Variants in CACNB2 observed in about 807,000 individuals in gnomAD.
CACNB2 encodes the protein calcium voltage-gated channel auxiliary subunit beta 2, also known as voltage-dependent L-type calcium channel subunit beta-2.
Under a neutral mutation model 73.3 loss-of-function variants are expected in CACNB2, and 42 were observed. The observed-to-expected ratio is 0.57, with a 90% confidence interval of 0.45 to 0.74. CACNB2 has a LOEUF of 0.74. Among genes scored for constraint, CACNB2 ranks in the 30% least tolerant of loss-of-function variants. The pLI is 0.00. For missense variants in CACNB2, 940 were observed against 853.0 expected (o/e 1.10, Z -1.27); for synonymous variants, 348 against 310.3 (o/e 1.12, Z -1.28).
chr10:18,180,568 G>T (rs1224124869), intron 2 of CACNB2, among the ~76,000 whole-genome samples: 3 of 151,830 alleles, frequency 2.0e-5, no homozygotes, highest in East Asian at 1.9e-4. Flanking sequence ...TGGGAAAATT[G>T]TATCCCTCCC....
chr10:18,517,593 G>C (rs918806043), intron 7 of CACNB2, among the ~76,000 whole-genome samples: 1 of 152,106 alleles, frequency 6.6e-6, no homozygotes, highest in Non-Finnish European at 1.5e-5. Flanking sequence ...ACAATAGCAT[G>C]GTTGAATATA....
intron 2 of CACNB2, among the ~76,000 whole-genome samples, chr10:18,390,023 A>G (rs1041048806): frequency 2.0e-5 from 3 of 152,208 alleles, no homozygotes; most frequent in Non-Finnish European, 4.4e-5. Context: ...TAAGGACTGA[A>G]GCCATATCCC....
intron 2 of CACNB2, among the ~76,000 whole-genome samples, chr10:18,367,470 A>G (rs1319830875): frequency 6.6e-6 from 1 of 152,198 alleles, no homozygotes; most frequent in Non-Finnish European, 1.5e-5. Context: ...TCTGTTAAAT[A>G]TAGTTAAAAG....
At position 18,492,278 on chromosome 10, in the gene CACNB2, G is replaced by C. The variant is rs561874751; in HGVS notation, c.334-6077G>C. 2.7e-4 allele frequency among the ~76,000 whole-genome samples: 41 copies of C among 152,284 alleles called. 1 individual carries two copies. Among genetic ancestry groups the C allele is most frequent in the Admixed American group, 2.5e-3 (39 of 15,300 alleles). On this transcript the variant is annotated intron_variant, in intron 3 of 13. Transcript: ENST00000324631. Reference sequence around the variant, plus strand: ...ACAATTCGACATGAGTCTGGCCAGGGACACAAACTCAAACCATATCAAGAT... The same window carrying C: ...ACAATTCGACATGAGTCTGGCCAGGCACACAAACTCAAACCATATCAAGAT...
intron 3 of CACNB2, among the ~76,000 whole-genome samples, chr10:18,467,571 G>A (rs900088809): frequency 3.3e-5 from 5 of 152,196 alleles, no homozygotes; most frequent in Non-Finnish European, 4.4e-5. Flanking sequence ...ACTAACATAC[G>A]CGTTAATTGC....
intron 3 of CACNB2, among the ~76,000 whole-genome samples, chr10:18,421,490 G>A (rs1168237666): frequency 6.6e-6 from 1 of 152,024 alleles, no homozygotes; most frequent in East Asian, 1.9e-4. Context: ...AGTAGAGACA[G>A]AGTTTCTCCA....
At chr10:18,323,995 A>G (rs747245291) in intron 2 of CACNB2, among the ~76,000 whole-genome samples, 3 of 152,236 alleles carry the variant, frequency 2.0e-5, no homozygotes, top group Non-Finnish European at 4.4e-5. Context: ...CAGATAAAAC[A>G]TTACACAAAA....
In CACNB2 at chr10:18,142,011, C is replaced by A. The variant is rs565645435; in HGVS notation, c.120+1155C>A. 1.4e-4 allele frequency among the ~76,000 whole-genome samples: 21 copies of A among 152,226 alleles called. No individual in the cohort carries two copies. The South Asian group carries it at 1.9e-3, about 14-fold the overall frequency. On this transcript the variant is annotated intron_variant, in intron 1 of 13. Transcript: ENST00000324631. ...CACACTAGAGAGCATGTTAGAGTAT[C>A]ATTTGCTGTAGTAGTGGGGGCAGGA...
At chr10:18,201,092 G>T (rs1298922914) in intron 2 of CACNB2, among the ~76,000 whole-genome samples, 1 of 152,044 alleles carries the variant, frequency 6.6e-6, no homozygotes, top group East Asian at 1.9e-4. Context: ...TTATATGTTT[G>T]TGTATTTCTT....
intron 2 of CACNB2, among the ~76,000 whole-genome samples, chr10:18,288,314 TTTGTC>T (rs2038892128): frequency 6.6e-6 from 1 of 152,210 alleles, no homozygotes; most frequent in Admixed American, 6.5e-5. Flanking sequence ...TAGAATTAAA[TTTGTC>T]CAGAGTTACA....
chr10:18,326,741 T>C (rs1290820098), intron 2 of CACNB2, among the ~76,000 whole-genome samples: 1 of 152,206 alleles, frequency 6.6e-6, no homozygotes. Flanking sequence ...GTAATAATTT[T>C]TTTGAGACAG....
chr10:18,440,815 A>G (rs1371342086), intron 3 of CACNB2, among the ~76,000 whole-genome samples: 1 of 152,234 alleles, frequency 6.6e-6, no homozygotes, highest in Non-Finnish European at 1.5e-5. Flanking sequence ...GTCTGAATAC[A>G]GAGAAAGGGG....
At chr10:18,513,517 C>T (rs1461647582) in intron 6 of CACNB2, 23 of 386,906 alleles carry the variant, frequency 5.9e-5, no homozygotes, top group Non-Finnish European at 1.1e-4. Context: ...TCGTGAACCA[C>T]CACCGCACTG....
At chr10:18,329,906 C>T (rs1272708543) in intron 2 of CACNB2, among the ~76,000 whole-genome samples, 2 of 152,056 alleles carry the variant, frequency 1.3e-5, no homozygotes, top group Non-Finnish European at 2.9e-5. Context: ...GGTGCGATCT[C>T]GGCTAACTGC....
intron 2 of CACNB2, among the ~76,000 whole-genome samples, chr10:18,280,011 G>A (rs2038471827): frequency 6.6e-6 from 1 of 152,196 alleles, no homozygotes; most frequent in Admixed American, 6.5e-5. Context: ...CCCAGGAGGT[G>A]GAGGTTGCTG....
chr10:18,529,600 C>T (rs552681563), intron 10 of CACNB2, among the ~76,000 whole-genome samples: 2 of 152,054 alleles, frequency 1.3e-5, no homozygotes, highest in South Asian at 2.1e-4. Context: ...GACAGTGATT[C>T]GAGACAGTGA....
rs553569212 is a variant in CACNB2 at position 18,437,083 on chromosome 10, A to G, written c.333+35040A>G. Among the ~76,000 whole-genome samples the G allele has an allele frequency of 2.0e-5, 3 of 152,376 alleles. No individual in the cohort carries two copies. The South Asian group carries it at 6.2e-4, about 32-fold the overall frequency. ...ACTTAAATGTTTAAATAGAGATTTA[A>G]CATTTACTTCTAGAGACATGACGTC... On this transcript the variant is annotated intron_variant, in intron 3 of 13. Coordinates refer to ENST00000324631, the MANE Select transcript of CACNB2 (RefSeq NM_201596.3).
chr10:18,342,511 G>A (rs180737304), intron 2 of CACNB2, among the ~76,000 whole-genome samples: 1 of 152,112 alleles, frequency 6.6e-6, no homozygotes, highest in Admixed American at 6.5e-5. Context: ...ATTAATTTTA[G>A]TCCTATCTTT....
At chr10:18,499,498 T>C (rs527333438) in intron 4 of CACNB2, among the ~76,000 whole-genome samples, 134 of 151,446 alleles carry the variant, frequency 8.8e-4, no homozygotes, top group Non-Finnish European at 1.4e-3. Context: ...GCCTGTAATC[T>C]CAGCTACTCG....
Sources: allele counts gnomAD v4.1 joint callset (sites outside exome capture counted in the v4.1 genomes callset), GRCh38; gene constraint gnomAD v4.1.1; transcripts MANE v1.5; gene names NCBI Gene and HGNC (gene_info 2026-07-23, HGNC 2026-07-21).